The following DNAJC15 variants were observed in gnomAD, a reference collection of about 807,000 sequenced individuals.
The protein encoded by DNAJC15 is DnaJ heat shock protein family (Hsp40) member C15.
In DNAJC15, 27 loss-of-function variants were observed where a neutral mutation model predicts 22.4. The ratio of observed to expected loss-of-function variants is 1.20; its 90% CI spans 0.89 to 1.66. DNAJC15 has a LOEUF of 1.66. DNAJC15 is among the 40% of genes most tolerant of loss of function. The probability of loss-of-function intolerance (pLI) is 0.00; values close to 1 mark genes in which losing one functional copy is unlikely to be tolerated. For missense variants in DNAJC15, 208 were observed against 187.1 expected (o/e 1.11, Z -0.65); for synonymous variants, 79 against 63.2 (o/e 1.25, Z -1.19).
intron 3 of DNAJC15, among the ~76,000 whole-genome samples, chr13:43,077,660 TGACAGCTGGGAGCTATCAGCCA>T (rs1243119695): frequency 7.2e-5 from 11 of 152,204 alleles, no homozygotes; most frequent in African/African-American, 2.7e-4. Context: ...CTAAAGTGTC[TGACAGCTGGGAGCTATCAGCCA>T]GCCACAGCCC....
At chr13:43,042,536 C>T (rs1276439385) in intron 1 of DNAJC15, among the ~76,000 whole-genome samples, 1 of 152,112 alleles carries the variant, frequency 6.6e-6, no homozygotes, top group Non-Finnish European at 1.5e-5. Context: ...GGATATGACT[C>T]AAGTGCTCCA....
chr13:43,085,559 T>C (rs955784424), intron 4 of DNAJC15, among the ~76,000 whole-genome samples: 3 of 152,178 alleles, frequency 2.0e-5, no homozygotes, highest in African/African-American at 7.2e-5. Context: ...GGATTGGCAT[T>C]ACAAAGGACT....
chr13:43,031,756 G>A (rs956648185), intron 1 of DNAJC15, among the ~76,000 whole-genome samples: 2 of 152,210 alleles, frequency 1.3e-5, no homozygotes, highest in Non-Finnish European at 2.9e-5. Context: ...CATTTGAGAA[G>A]TAGATGAATC....
intron 1 of DNAJC15, among the ~76,000 whole-genome samples, chr13:43,036,198 C>G (rs1488464270): frequency 1.8e-4 from 25 of 136,584 alleles, no homozygotes; most frequent in Non-Finnish European, 3.3e-4. Context: ...GACAGGGTCT[C>G]ACTGTCATCC....
chr13:43,077,432 A>G (rs918551336), intron 3 of DNAJC15, among the ~76,000 whole-genome samples: 8 of 152,218 alleles, frequency 5.3e-5, no homozygotes, highest in African/African-American at 1.7e-4. Context: ...CAATCTCACA[A>G]TAACCTCTAA....
Position 43,085,825 on chromosome 13 carries a change from T to C in DNAJC15, c.369T>C (p.Asn123=). The C allele has an allele frequency of 6.2e-7, 1 of 1,613,430 alleles. No homozygotes were observed. Among genetic ancestry groups the C allele is most frequent in the South Asian group, 1.1e-5 (1 of 90,878 alleles). Residue 123 remains asparagine, a synonymous_variant, in exon 5 of 6, where the codon AAT becomes AAC. Transcript: ENST00000379221. ...RTAHRRVMIL[N]HPDKGGSPYV... Reference sequence around the variant, plus strand: ...CTCATAGGAGAGTCATGATTTTGAATCACCCAGATAAAGGTAGGTAGAATT... The same window carrying C: ...CTCATAGGAGAGTCATGATTTTGAACCACCCAGATAAAGGTAGGTAGAATT...
At chr13:43,030,243 A>G (rs1388405276) in intron 1 of DNAJC15, among the ~76,000 whole-genome samples, 1 of 152,204 alleles carries the variant, frequency 6.6e-6, no homozygotes, top group Non-Finnish European at 1.5e-5. Flanking sequence ...ATTTTTGGGT[A>G]ACACCAAATA....
intron 1 of DNAJC15, among the ~76,000 whole-genome samples, chr13:43,059,060 TGGA>T (rs2040544514): frequency 6.6e-6 from 1 of 152,180 alleles, no homozygotes; most frequent in Admixed American, 6.5e-5. Flanking sequence ...GAGTAGTTCT[TGGA>T]GCAAAAGTTC....
intron 1 of DNAJC15, among the ~76,000 whole-genome samples, chr13:43,027,754 T>G (rs999302690): frequency 6.6e-6 from 1 of 152,060 alleles, no homozygotes; most frequent in Non-Finnish European, 1.5e-5. Flanking sequence ...CCTCACAGGT[T>G]CACCTGAGTC....
At chr13:43,041,649 A>G (rs2040454693) in intron 1 of DNAJC15, among the ~76,000 whole-genome samples, 1 of 152,126 alleles carries the variant, frequency 6.6e-6, no homozygotes, top group African/African-American at 2.4e-5. Flanking sequence ...GTATCCTCAC[A>G]TTTCCCTCCT....
At chr13:43,036,905 C>T (rs193082135) in intron 1 of DNAJC15, among the ~76,000 whole-genome samples, 113 of 152,358 alleles carry the variant, frequency 7.4e-4, no homozygotes, top group African/African-American at 2.4e-3. Context: ...GAGTGGATGC[C>T]GTGAGTCGGG....
chr13:43,076,407 AT>A lies in DNAJC15; in HGVS notation c.235-2199del, dbSNP rs568496242. Among the ~76,000 whole-genome samples the A allele has an allele frequency of 8.1e-4, 124 of 152,286 alleles. 1 individual carries two copies. The highest frequency in any genetic ancestry group is 2.8e-3 in the African/African-American group (118 of 41,554). On this transcript the variant is annotated intron_variant, in intron 3 of 5. Coordinates refer to ENST00000379221, the MANE Select transcript of DNAJC15 (RefSeq NM_013238.3). ...GGCCAGATCTGACTCCCTAGAACCC[AT>A]TTTTTAAGCTCTAGTCATTTCCTTA...
chr13:43,071,899 A>G (rs2040610964), intron 3 of DNAJC15, among the ~76,000 whole-genome samples: 1 of 151,844 alleles, frequency 6.6e-6, no homozygotes, highest in African/African-American at 2.4e-5. Flanking sequence ...TTTTATATGG[A>G]ATGCATGGAT....
At chr13:43,059,118 GCTGGAAGTTAGTCCAGCTTCCT>G (rs2040544892) in intron 1 of DNAJC15, among the ~76,000 whole-genome samples, 1 of 152,158 alleles carries the variant, frequency 6.6e-6, no homozygotes, top group African/African-American at 2.4e-5. Flanking sequence ...CCGAGTGGGA[GCTGGAAGTTAGTCCAGCTTCCT>G]CTCCACCGTT....
At chr13:43,085,013 A>G (rs905256156) in intron 4 of DNAJC15, among the ~76,000 whole-genome samples, 3 of 152,324 alleles carry the variant, frequency 2.0e-5, no homozygotes, top group Middle Eastern at 3.4e-3. Context: ...CTGAAGCACC[A>G]AGAGGATAAA....
intron 1 of DNAJC15, among the ~76,000 whole-genome samples, chr13:43,032,344 A>G (rs2040407785): frequency 6.6e-6 from 1 of 152,230 alleles, no homozygotes; most frequent in Admixed American, 6.5e-5. Flanking sequence ...TTTCAGCTGT[A>G]ATTTGAATTC....
chr13:43,052,918 G>GT (rs1364500159), intron 1 of DNAJC15, among the ~76,000 whole-genome samples: 1 of 152,066 alleles, frequency 6.6e-6, no homozygotes, highest in Non-Finnish European at 1.5e-5. Context: ...ATTTATATTA[G>GT]TTTTTGTTGC....
chr13:43,071,215 G>A (rs1244517245), intron 3 of DNAJC15, among the ~76,000 whole-genome samples: 1 of 152,136 alleles, frequency 6.6e-6, no homozygotes, highest in Non-Finnish European at 1.5e-5. Flanking sequence ...TAATTCAAGA[G>A]ATTATAAGGG....
intron 1 of DNAJC15, among the ~76,000 whole-genome samples, chr13:43,024,435 C>T (rs902464019): frequency 7.3e-5 from 11 of 150,778 alleles, no homozygotes; most frequent in African/African-American, 2.7e-4. Context: ...GCTCCGCCTC[C>T]CGGTTTCAGG....
Sources: allele counts gnomAD v4.1 joint callset (sites outside exome capture counted in the v4.1 genomes callset), GRCh38; gene constraint gnomAD v4.1.1; transcripts MANE v1.5; gene names NCBI Gene and HGNC (gene_info 2026-07-23, HGNC 2026-07-21).